The following SRP72 variants were observed in gnomAD, a reference collection of about 807,000 sequenced individuals.
The protein encoded by SRP72 is signal recognition particle 72, also known as signal recognition particle subunit SRP72.
In SRP72, 49 loss-of-function variants were observed where a neutral mutation model predicts 96.3. The ratio of observed to expected loss-of-function variants is 0.51; its 90% CI spans 0.40 to 0.65. SRP72 has a LOEUF of 0.65. Ranked by LOEUF, SRP72 falls within the 30% of genes least tolerant of loss-of-function variation. The probability of loss-of-function intolerance (pLI) is 0.00; values close to 1 mark genes in which losing one functional copy is unlikely to be tolerated. For missense variants in SRP72, 736 were observed against 793.3 expected, an observed-to-expected ratio of 0.93 and a Z score of 0.87; for synonymous variants, 267 against 275.2, an observed-to-expected ratio of 0.97 and a Z score of 0.30.
intron 12 of SRP72, 177 bp from the exon 13 acceptor site, chr4:56,489,211 G>A (rs778776100): frequency 4.8e-6 from 2 of 418,498 alleles, no homozygotes; most frequent in Non-Finnish European, 8.5e-6. Flanking sequence ...AAACACGGTT[G>A]TTCATGGTAT....
Position 56,497,648 on chromosome 4 carries a change from C to G in SRP72, c.1678+2254C>G, listed in dbSNP as rs145939783. Among the ~76,000 whole-genome samples, 1,077 of 151,960 alleles carry G rather than the reference C, an allele frequency of 7.1e-3. 18 individuals carry two copies. Among genetic ancestry groups the G allele is most frequent in the African/African-American group, 0.025 (1,029 of 41,398 alleles). On this transcript the variant is annotated intron_variant, in intron 17 of 18. Coordinates refer to ENST00000642900, the MANE Select transcript of SRP72 (RefSeq NM_006947.4). The stretch of plus-strand genomic sequence containing the variant: ...AATATCAGCCCACCCATACCTTGCC[C>G]TATCCATCTTTAAAAAAAAAGAAAA...
intron 8 of SRP72, among the ~76,000 whole-genome samples, chr4:56,481,805 T>G (rs997951772): frequency 3.4e-5 from 5 of 146,506 alleles, no homozygotes; most frequent in African/African-American, 5.0e-5. Flanking sequence ...GGAGTCTCGC[T>G]CTCTTGCCCA....
chr4:56,474,563 G>A, intron 5 of SRP72, 172 bp downstream of exon 5: 1 of 646,216 alleles, frequency 1.5e-6, no homozygotes. Context: ...TTATGGAGTG[G>A]GACAGAATCT....
chr4:56,501,612 C>T (rs545696557), intron 18 of SRP72, 72 bp from the exon 19 acceptor site: 3 of 1,351,450 alleles, frequency 2.2e-6, no homozygotes, highest in African/African-American at 1.5e-5. Context: ...TAAGTAAAAC[C>T]CATGTACATA....
At chr4:56,492,141 GATTGT>G in intron 16 of SRP72, among the ~76,000 whole-genome samples, 1 of 152,306 alleles carries the variant, frequency 6.6e-6, no homozygotes, top group Non-Finnish European at 1.5e-5. Flanking sequence ...ACAGAAGGAG[GATTGT>G]ATTGTACTTA....
rs2110114043 is a variant in SRP72, at chr4:56,474,388, G to A, written c.607G>A (p.Glu203Lys). ...NQAMKILQKA[E>K]DLCRRSLSED... ...GGCCATGAAAATCCTACAAAAAGCT[G>A]AAGGTTGGAAGTTTGTTAAACTTAT... is the stretch of plus-strand genomic sequence containing the variant. The change falls in exon 5 of 19, where the codon GAA becomes AAA. Residue 203 changes from glutamate (E) to lysine (K), a missense_variant. Physicochemically the swap from Glu to Lys is moderately conservative, Grantham distance 56. Coordinates refer to ENST00000642900, the MANE Select transcript of SRP72 (RefSeq NM_006947.4). The A allele has an allele frequency of 2.5e-6, 4 of 1,612,232 alleles. No individual in the cohort carries two copies. The highest frequency in any genetic ancestry group is 3.4e-6 in the Non-Finnish European group (4 of 1,179,552).
chr4:56,498,862 A>G (rs1056367154), intron 17 of SRP72, among the ~76,000 whole-genome samples: 5 of 152,358 alleles, frequency 3.3e-5, no homozygotes, highest in South Asian at 4.1e-4. Flanking sequence ...TATAGATTCA[A>G]TGCTATCTCC....
Position 56,469,708 on chromosome 4 carries a change from T to C in SRP72, c.165T>C (p.Leu55=), listed in dbSNP as rs1265746902. 2.5e-6 allele frequency: 4 copies of C among 1,612,842 alleles called. No individual in the cohort carries two copies. The African/African-American group carries it at 5.3e-5, about 22-fold the overall frequency. The change falls in exon 2 of 19, where the codon CTT becomes CTC. Residue 55 remains leucine (L), a synonymous_variant. Transcript: ENST00000642900. The stretch of plus-strand genomic sequence containing the variant: ...CCCTGCATTGTAAAGTGGTATGCCT[T>C]ATCCAGAATGGAAGTTTCAAGGAAG... ...VTALHCKVVC[L]IQNGSFKEAL...
chr4:56,484,325 C>T (rs577528138), intron 9 of SRP72, among the ~76,000 whole-genome samples: 14 of 152,090 alleles, frequency 9.2e-5, no homozygotes, highest in East Asian at 3.9e-4. Flanking sequence ...TGAGCCACCA[C>T]GCCCGGCCGA....
intron 9 of SRP72, 136 bp from the exon 10 acceptor site, chr4:56,484,600 G>A (rs1720633381): frequency 2.6e-6 from 3 of 1,150,240 alleles, no homozygotes; most frequent in Non-Finnish European, 2.5e-6. Context: ...ACTGTAAACT[G>A]ATTCTCTTAC....
intron 10 of SRP72, among the ~76,000 whole-genome samples, chr4:56,485,645 A>G (rs954063754): frequency 6.6e-6 from 1 of 152,120 alleles, no homozygotes; most frequent in African/African-American, 2.4e-5. Flanking sequence ...TACTAAAAAT[A>G]CAAAAAATTA....
At chr4:56,488,496 A>C (rs1347466765) in intron 12 of SRP72, among the ~76,000 whole-genome samples, 1 of 152,130 alleles carries the variant, frequency 6.6e-6, no homozygotes, top group African/African-American at 2.4e-5. Flanking sequence ...TCATGTTTGC[A>C]TTCTCATGGC....
intron 15 of SRP72, 119 bp downstream of exon 15, chr4:56,490,764 A>C: frequency 1.3e-6 from 1 of 783,002 alleles, no homozygotes; most frequent in Admixed American, 3.3e-5. Context: ...TCCTCCTTTT[A>C]ACTAGTAAAA....
chr4:56,491,330 GAC>G, intron 15 of SRP72, 99 bp from the exon 16 acceptor site: 1 of 1,375,918 alleles, frequency 7.3e-7, no homozygotes, highest in Non-Finnish European at 9.8e-7. Context: ...ATCAAGAAAA[GAC>G]AGTCTTCCAG....
intron 11 of SRP72, among the ~76,000 whole-genome samples, chr4:56,487,133 C>G (rs955621737): frequency 8.5e-5 from 13 of 152,102 alleles, no homozygotes; most frequent in African/African-American, 2.9e-4. Context: ...TCGAACAGCT[C>G]TGGTATAGAA....
intron 12 of SRP72, among the ~76,000 whole-genome samples, chr4:56,488,660 T>G (rs1331424567): frequency 6.6e-6 from 1 of 152,202 alleles, no homozygotes; most frequent in South Asian, 2.1e-4. Context: ...TATGACCACC[T>G]TTTACCTTTC....
At position 56,467,758 on chromosome 4, in the gene SRP72, TGGGCACTGGGGC is replaced by T; in HGVS notation, c.109+19_109+30del. 1 of 925,326 alleles carries T rather than the reference TGGGCACTGGGGC, an allele frequency of 1.1e-6. No homozygotes were observed. Among genetic ancestry groups the T allele is most frequent in the Non-Finnish European group, 1.5e-6 (1 of 664,320 alleles). 57.3% of individuals were successfully genotyped at this position (925,326 alleles called of 1,614,324 possible). On this transcript the variant is annotated intron_variant, in intron 1 of 18. Transcript: ENST00000642900. ...CCGTCAATAAGAGTAAGTGTCGGGG[TGGGCACTGGGGC>T]GGGCCCAGGCCGGCTGGAGGATGCG...
At chr4:56,499,247 TAAACATAAGACCTA>T (rs1376546563) in intron 17 of SRP72, among the ~76,000 whole-genome samples, 2 of 152,146 alleles carry the variant, frequency 1.3e-5, no homozygotes, top group Non-Finnish European at 2.9e-5. Context: ...ATTAAAGACT[TAAACATAAGACCTA>T]AAACCATAAA....
At chr4:56,485,461 C>T (rs1720670556) in intron 10 of SRP72, among the ~76,000 whole-genome samples, 1 of 148,806 alleles carries the variant, frequency 6.7e-6, no homozygotes, top group African/African-American at 2.5e-5. Context: ...CCTTTGTATT[C>T]TTGAGTTTTG....
Sources: gnomAD v4.1 joint callset for allele counts (sites outside exome capture counted in the v4.1 genomes callset) on GRCh38, gnomAD v4.1.1 for gene constraint, MANE v1.5 for transcripts, NCBI Gene and HGNC (gene_info 2026-07-23, HGNC 2026-07-21) for gene names.